The following PIK3R4 variants were observed in gnomAD, a reference collection of about 807,000 sequenced individuals.
PIK3R4 encodes phosphoinositide-3-kinase regulatory subunit 4.
A neutral mutation model predicts 136.5 loss-of-function variants in PIK3R4; 46 were observed. The observed-to-expected ratio is 0.34, with a 90% CI of 0.27 to 0.43. The LOEUF (loss-of-function observed/expected upper bound fraction) is 0.43. Ranked by LOEUF, PIK3R4 falls within the 20% of genes least tolerant of loss-of-function variation. The pLI is 1.00. For synonymous variants in PIK3R4, 557 were observed against 566.7 expected (o/e 0.98, Z 0.24); for missense variants, 1,331 against 1,649.5 (o/e 0.81, Z 3.35).
At chr3:130,720,418 C>T (rs1295789825) in intron 7 of PIK3R4, among the ~76,000 whole-genome samples, 1 of 152,218 alleles carries the variant, frequency 6.6e-6, no homozygotes, top group Non-Finnish European at 1.5e-5. Context: ...TGGTCTTGAG[C>T]TCCTGACCTC....
chr3:130,718,995 T>C (rs1173893513), intron 7 of PIK3R4, among the ~76,000 whole-genome samples: 1 of 152,162 alleles, frequency 6.6e-6, no homozygotes, highest in Non-Finnish European at 1.5e-5. Context: ...TTCTCCAAGC[T>C]ACAGCATAAA....
intron 13 of PIK3R4, among the ~76,000 whole-genome samples, chr3:130,701,953 G>A (rs1040267729): frequency 1.3e-5 from 2 of 151,508 alleles, no homozygotes; most frequent in Admixed American, 6.6e-5. Flanking sequence ...GCAATGTGGC[G>A]AGACCCCATT....
chr3:130,686,205 G>A lies in PIK3R4; in HGVS notation c.3475+6C>T, dbSNP rs2066489057. On this transcript the variant is annotated splice_donor_region_variant and intron_variant, in intron 15 of 19. Transcript: ENST00000356763. ...AACCCAGCCAATGACTTGAAAGTTA[G>A]CTTACCAATGCAGAGCCAGCATTGG... 2 of 1,591,052 alleles carry A rather than the reference G, an allele frequency of 1.3e-6. No homozygotes were observed. Among genetic ancestry groups the A allele is most frequent in the East Asian group, 2.2e-5 (1 of 44,794 alleles).
chr3:130,681,705 G>A (rs1332115186), intron 16 of PIK3R4, 114 bp from the exon 17 acceptor site: 1 of 628,002 alleles, frequency 1.6e-6, no homozygotes, highest in African/African-American at 1.9e-5. Context: ...CTTTCTTTCA[G>A]GGGGAGAGAC....
intron 2 of PIK3R4, among the ~76,000 whole-genome samples, 177 bp from the exon 3 acceptor site, chr3:130,736,179 C>T (rs1423692433): frequency 6.6e-6 from 1 of 152,084 alleles, no homozygotes; most frequent in Non-Finnish European, 1.5e-5. Flanking sequence ...GTCTATTACC[C>T]GAACACTGGT....
intron 10 of PIK3R4, 81 bp from the exon 11 acceptor site, chr3:130,707,216 A>T: frequency 1.1e-6 from 1 of 876,556 alleles, no homozygotes; most frequent in Non-Finnish European, 1.7e-6. Flanking sequence ...TGGAGGGGAC[A>T]GTAGAGGAGG....
chr3:130,706,823 T>C (rs1483147547), intron 11 of PIK3R4, 125 bp downstream of exon 11: 1 of 579,308 alleles, frequency 1.7e-6, no homozygotes, highest in Middle Eastern at 3.1e-4. Context: ...GAAAGAAATA[T>C]GACCTCCCTA....
rs557766568 is a variant in PIK3R4 at position 130,721,301 on chromosome 3, C to T, written c.1981+2113G>A. The stretch of plus-strand genomic sequence containing the variant: ...GCAGTGAGCCAAGACGGCGCCACTG[C>T]AGTCCAGCCTGGGTGAAAGAGCGAG... On this transcript the variant is annotated intron_variant, in intron 7 of 19. Coordinates refer to ENST00000356763, the MANE Select transcript of PIK3R4 (RefSeq NM_014602.3). Among the ~76,000 whole-genome samples, 528 of 146,396 alleles carry T rather than the reference C, an allele frequency of 3.6e-3. 7 individuals carry two copies. The highest frequency in any genetic ancestry group is 0.024 in the South Asian group (113 of 4,676).
Position 130,684,260 on chromosome 3 carries a change from C to G in PIK3R4, c.3597G>C (p.Trp1199Cys). The part of the protein sequence containing the change: ...RLSMHPLYQS[W>C]VIAAVQGNNE... Reference sequence around the variant, plus strand: ...AGCCCTCCATCTTACCTGCAATCACCCAGGACTGATACAGAGGGTGCATTG... The same window carrying G: ...AGCCCTCCATCTTACCTGCAATCACGCAGGACTGATACAGAGGGTGCATTG... Residue 1199 changes from tryptophan (W) to cysteine (C), a missense_variant, in exon 16 of 20, where the codon TGG becomes TGC. Trp to Cys is a radical substitution (Grantham distance 215). Transcript: ENST00000356763. 1 of 1,613,396 alleles carries G rather than the reference C, an allele frequency of 6.2e-7. No individual in the cohort carries two copies. The highest frequency in any genetic ancestry group is 8.5e-7 in the Non-Finnish European group (1 of 1,179,504).
intron 6 of PIK3R4, among the ~76,000 whole-genome samples, chr3:130,727,551 A>G (rs1315394377): frequency 6.6e-6 from 1 of 152,124 alleles, no homozygotes; most frequent in Admixed American, 6.5e-5. Context: ...CTGCTGCCTC[A>G]CAAGAAAGTC....
intron 2 of PIK3R4, among the ~76,000 whole-genome samples, chr3:130,738,435 A>G (rs930083114): frequency 1.3e-5 from 2 of 152,222 alleles, no homozygotes; most frequent in Non-Finnish European, 2.9e-5. Context: ...AAAAACACCA[A>G]CTGGATCTAA....
intron 15 of PIK3R4, 66 bp downstream of exon 15, chr3:130,686,145 A>C: frequency 1.0e-6 from 1 of 967,810 alleles, no homozygotes; most frequent in Non-Finnish European, 1.7e-6. Flanking sequence ...AACTGATTTC[A>C]CAAGACAGCA....
At chr3:130,703,441 A>G (rs374314508) in intron 13 of PIK3R4, among the ~76,000 whole-genome samples, 1 of 152,184 alleles carries the variant, frequency 6.6e-6, no homozygotes, top group South Asian at 2.1e-4. Context: ...TAATTTATTT[A>G]AAATTCTACC....
chr3:130,718,447 T>C lies in PIK3R4; in HGVS notation c.2069A>G (p.Asp690Gly). The change falls in exon 8 of 20, where the codon GAT becomes GGT. Residue 690 changes from aspartate (D) to glycine (G), a missense_variant. Around this residue, in one of 2 missense-constraint regions of PIK3R4, gnomAD observed 1,180 missense variants for 1,407.0 expected, o/e 0.84. Coordinates refer to ENST00000356763, the MANE Select transcript of PIK3R4 (RefSeq NM_014602.3). ...TVVARQISTA[D>G]VYCKLMPYLD... Reference sequence around the variant, plus strand: ...ATAAGGCATCAGTTTACAGTAGACATCAGCTGTACTTATTTGACGAGCTAC... The same window carrying C: ...ATAAGGCATCAGTTTACAGTAGACACCAGCTGTACTTATTTGACGAGCTAC... 6.2e-7 allele frequency: 1 copy of C among 1,613,294 alleles called. No homozygotes were observed. Among genetic ancestry groups the C allele is most frequent in the Non-Finnish European group, 8.5e-7 (1 of 1,179,338 alleles).
chr3:130,689,988 T>C (rs1307987044), intron 14 of PIK3R4, among the ~76,000 whole-genome samples: 2 of 152,194 alleles, frequency 1.3e-5, no homozygotes, highest in African/African-American at 4.8e-5. Context: ...CCACCGCTAT[T>C]TTGTTTTAAA....
intron 9 of PIK3R4, among the ~76,000 whole-genome samples, chr3:130,714,363 C>T (rs888858547): frequency 1.3e-5 from 2 of 152,184 alleles, no homozygotes; most frequent in African/African-American, 4.8e-5. Context: ...CCACATACCC[C>T]TCATAAAACA....
At position 130,708,465 on chromosome 3, in the gene PIK3R4, G is replaced by A. The variant is rs2066617627; in HGVS notation, c.2359C>T (p.Leu787Phe). Residue 787 changes from leucine to phenylalanine, a missense_variant, in exon 10 of 20, where the codon CTT becomes TTT. Coordinates refer to ENST00000356763, the MANE Select transcript of PIK3R4 (RefSeq NM_014602.3). ...ATCATGAAGTCTTTCAGTGCCAGAA[G>A]TTTGTCTTCCTCTTCCTCTGTCATT... is the stretch of plus-strand genomic sequence containing the variant. The part of the protein sequence containing the change: ...QGMTEEEEDK[L>F]LALKDFMMKS... 2 of 1,613,066 alleles carry A rather than the reference G, an allele frequency of 1.2e-6. No individual in the cohort carries two copies. The highest frequency in any genetic ancestry group is 4.5e-5 in the East Asian group (2 of 44,816).
chr3:130,706,058 AAAG>A (rs1576455450), intron 11 of PIK3R4, among the ~76,000 whole-genome samples: 2 of 152,346 alleles, frequency 1.3e-5, no homozygotes, highest in African/African-American at 2.4e-5. Flanking sequence ...CATTAAGTGA[AAAG>A]AAGAAATGGA....
intron 2 of PIK3R4, 63 bp downstream of exon 2, chr3:130,744,423 T>A: frequency 6.6e-7 from 1 of 1,507,254 alleles, no homozygotes; most frequent in Non-Finnish European, 8.8e-7. Context: ...AAAAGCCACA[T>A]TTCTGTTTAA....
Sources: gnomAD v4.1 joint callset for allele counts (sites outside exome capture counted in the v4.1 genomes callset) on GRCh38, gnomAD v4.1.1 for gene constraint, gnomAD v4.1.1 regional missense constraint, MANE v1.5 for transcripts, NCBI Gene and HGNC (gene_info 2026-07-23, HGNC 2026-07-21) for gene names.